Variants in RNF157 observed in about 807,000 individuals in gnomAD.
RNF157 encodes the protein ring finger protein 157.
In RNF157, 55 loss-of-function variants were observed where a neutral mutation model predicts 88.3. The ratio of observed to expected loss-of-function variants is 0.62; its 90% CI spans 0.50 to 0.78. RNF157 has a LOEUF of 0.78. Ranked by LOEUF, RNF157 falls within the 30% of genes least tolerant of loss-of-function variation. The pLI, the probability that RNF157 is intolerant of heterozygous loss-of-function variation, is 0.00. For missense variants in RNF157, 788 were observed against 860.8 expected (o/e 0.92, Z 1.06); for synonymous variants, 334 against 341.2 (o/e 0.98, Z 0.23).
rs1488307426 is a variant in RNF157, at chr17:76,225,910, C to G, written c.89-13428G>C. ...CAGTGAGAGCCTCCTGCTCCGCCCTCTTCTTCTGGCGGTACCTAGTGGCTG... is the reference window on the plus strand; with the variant it reads ...CAGTGAGAGCCTCCTGCTCCGCCCTGTTCTTCTGGCGGTACCTAGTGGCTG... On this transcript the variant is annotated intron_variant, in intron 1 of 18. Coordinates refer to ENST00000269391, the MANE Select transcript of RNF157 (RefSeq NM_052916.3). 48 of 1,613,518 alleles carry G rather than the reference C, an allele frequency of 3.0e-5. 1 individual carries two copies. Among genetic ancestry groups the G allele is most frequent in the South Asian group, 2.7e-4 (25 of 91,010 alleles).
At position 76,155,274 on chromosome 17, in the gene RNF157, G is replaced by A; in HGVS notation, c.1742C>T (p.Pro581Leu). 6.2e-7 allele frequency: 1 copy of A among 1,614,192 alleles called. No individual in the cohort carries two copies. The highest frequency in any genetic ancestry group is 8.5e-7 in the Non-Finnish European group (1 of 1,179,992). Residue 581 changes from proline (P) to leucine (L), a missense_variant, in exon 16 of 19, where the codon CCA becomes CTA. Coordinates refer to ENST00000269391, the MANE Select transcript of RNF157 (RefSeq NM_052916.3). ...TACCTCTGCATCCTGCTCTCCAGCT[G>A]GGAGGCCAGCAAAGTTGCTGTCTGG... ...ESPDSNFAGL[P>L]AGEQDAEGND...
intron 2 of RNF157, among the ~76,000 whole-genome samples, chr17:76,174,710 C>T (rs957860207): frequency 1.3e-5 from 2 of 152,118 alleles, no homozygotes; most frequent in African/African-American, 4.8e-5. Flanking sequence ...CAAATTGTGC[C>T]CTCACAGGTT....
At chr17:76,155,159 C>A (rs2068742748) in intron 16 of RNF157, 93 bp downstream of exon 16, 2 of 1,094,704 alleles carry the variant, frequency 1.8e-6, no homozygotes, top group Admixed American at 3.6e-5. Flanking sequence ...GTCAGCGCAG[C>A]CTCCTGGCCC....
intron 8 of RNF157, chr17:76,163,681 G>A (rs934535149): frequency 6.6e-5 from 10 of 152,094 alleles, no homozygotes; most frequent in Middle Eastern, 3.2e-3. Context: ...CCCACTCTCC[G>A]TTTTAACAGT....
intron 1 of RNF157, chr17:76,226,880 G>T: frequency 8.1e-7 from 1 of 1,239,940 alleles, no homozygotes; most frequent in Non-Finnish European, 1.1e-6. Flanking sequence ...CAATGCTGCT[G>T]CTGAATGCCG....
chr17:76,237,024 C>T (rs1386703410), intron 1 of RNF157, among the ~76,000 whole-genome samples: 2 of 152,252 alleles, frequency 1.3e-5, no homozygotes, highest in Non-Finnish European at 2.9e-5. Context: ...AAGGCTTTCA[C>T]TGTACACGTT....
chr17:76,226,071 G>A lies in RNF157; in HGVS notation c.89-13589C>T, dbSNP rs187591742. The A allele has an allele frequency of 1.6e-3, 2,599 of 1,603,718 alleles. 2 individuals are homozygous for A. Among genetic ancestry groups the A allele is most frequent in the Non-Finnish European group, 2.1e-3 (2,492 of 1,175,716 alleles). ...CCACAGAGAACACCTGGAGATGGGA[G>A]GCTCCTATTTGGAGAGCCCCTGGTA... is the stretch of plus-strand genomic sequence containing the variant. On this transcript the variant is annotated intron_variant, in intron 1 of 18. Coordinates refer to ENST00000269391, the MANE Select transcript of RNF157 (RefSeq NM_052916.3).
chr17:76,213,873 G>C (rs1254086365), intron 1 of RNF157, among the ~76,000 whole-genome samples: 2 of 152,138 alleles, frequency 1.3e-5, no homozygotes, highest in Non-Finnish European at 2.9e-5. Context: ...TCCAAACAGG[G>C]GAACACTTAC....
intron 1 of RNF157, chr17:76,225,953 A>T (rs867538336): frequency 6.2e-7 from 1 of 1,610,662 alleles, no homozygotes. Flanking sequence ...GTTTTGCTCC[A>T]TTTTTTTCAG....
At chr17:76,198,387 T>C (rs2069513410) in intron 2 of RNF157, among the ~76,000 whole-genome samples, 1 of 152,150 alleles carries the variant, frequency 6.6e-6, no homozygotes, top group Non-Finnish European at 1.5e-5. Context: ...TGGACCACAG[T>C]AATTGATTCC....
chr17:76,225,660 AT>A (rs2070069142), intron 1 of RNF157: 6 of 1,143,554 alleles, frequency 5.2e-6, no homozygotes, highest in East Asian at 5.5e-5. Flanking sequence ...AATAATATGT[AT>A]TTTTTTCCCT....
At chr17:76,180,081 C>A (rs1038461547) in intron 2 of RNF157, among the ~76,000 whole-genome samples, 1 of 152,178 alleles carries the variant, frequency 6.6e-6, no homozygotes, top group Non-Finnish European at 1.5e-5. Flanking sequence ...CAACATGCCC[C>A]AGGTCCACAG....
intron 2 of RNF157, among the ~76,000 whole-genome samples, chr17:76,211,257 C>T (rs2069794384): frequency 6.6e-6 from 1 of 152,242 alleles, no homozygotes; most frequent in Admixed American, 6.5e-5. Flanking sequence ...CTTGAATGCT[C>T]TTAGGCCTGT....
intron 3 of RNF157, among the ~76,000 whole-genome samples, chr17:76,170,882 T>C (rs1280050346): frequency 1.3e-5 from 2 of 152,124 alleles, no homozygotes; most frequent in Non-Finnish European, 2.9e-5. Context: ...TAAAGAAATT[T>C]TTAAAATTTT....
chr17:76,166,939 A>C (rs1316098949), intron 5 of RNF157, 70 bp downstream of exon 5: 3 of 1,024,566 alleles, frequency 2.9e-6, no homozygotes, highest in African/African-American at 1.6e-5. Context: ...CTTTGCTGTC[A>C]GACCGAGTCC....
rs1172339460 is a variant in RNF157 at position 76,210,351 on chromosome 17, T to C, written c.207+2013A>G. On this transcript the variant is annotated intron_variant, in intron 2 of 18. Transcript: ENST00000269391. ...GCTCATGCCTGTAATCCCAGCACTT[T>C]GGGAGGCCAAGGTGGGCGGATCACG... 2.6e-5 allele frequency among the ~76,000 whole-genome samples: 4 copies of C among 151,748 alleles called. No individual in the cohort carries two copies. In the East Asian group the frequency reaches 5.9e-4, roughly 22 times the overall value.
chr17:76,225,608 A>T (rs1318761143), intron 1 of RNF157: 2 of 644,286 alleles, frequency 3.1e-6, no homozygotes, highest in Non-Finnish European at 4.9e-6. Flanking sequence ...GTAGGCATCT[A>T]TGTCTGTATT....
At chr17:76,166,380 G>T in intron 6 of RNF157, 81 bp downstream of exon 6, 1 of 1,169,494 alleles carries the variant, frequency 8.6e-7, no homozygotes, top group Non-Finnish European at 1.3e-6. Flanking sequence ...AAGGCATGTT[G>T]TTCTGGGGCC....
At position 76,161,714 on chromosome 17, in the gene RNF157, C is replaced by A; in HGVS notation, c.953-67G>T. 1.3e-6 allele frequency: 2 copies of A among 1,541,070 alleles called. No individual in the cohort carries two copies. The highest frequency in any genetic ancestry group is 1.1e-5 in the South Asian group (1 of 87,010). On this transcript the variant is annotated intron_variant, in intron 10 of 18. Transcript: ENST00000269391. The surrounding 1 kb of genome is among the most constrained non-coding windows in gnomAD (Gnocchi z 4.6). ...GATTAAGAATGAACAAGAGCCCAGACAGAAACCATGATCCCTCCCAGCGCG... is the reference window on the plus strand; with the variant it reads ...GATTAAGAATGAACAAGAGCCCAGAAAGAAACCATGATCCCTCCCAGCGCG...
Sources: allele counts gnomAD v4.1 joint callset (sites outside exome capture counted in the v4.1 genomes callset), GRCh38; gene constraint gnomAD v4.1.1; non-coding constraint Gnocchi (gnomAD v3.1); transcripts MANE v1.5; gene names NCBI Gene and HGNC (gene_info 2026-07-23, HGNC 2026-07-21).